CSPG4: variants seen among roughly 807,000 people sequenced by gnomAD.
CSPG4 encodes the protein chondroitin sulfate proteoglycan 4 (melanoma-associated).
CSPG4 carries 74 observed loss-of-function variants against 139.3 expected under a neutral mutation model. The observed-to-expected ratio is 0.53, with a 90% CI of 0.44 to 0.64. The LOEUF is 0.64. Among genes scored for constraint, CSPG4 ranks in the 30% least tolerant of loss-of-function variants. The pLI is 0.00. For missense variants in CSPG4, 2,565 were observed against 3,148.3 expected (o/e 0.81, Z 4.43); for synonymous variants, 1,234 against 1,394.2 (o/e 0.89, Z 2.56).
In CSPG4 at chr15:75,690,057, C is replaced by T. The variant is rs1375861277; in HGVS notation, c.1008G>A (p.Gln336=). ...CTGGTGTCAGGCCCAGGCGGTGTTC[C>T]TGGAGGTGACGAGAGGCCTCTGCAT... ...GLDAEASRHL[Q]EHRLGLTPEA... The change falls in exon 3 of 10, where the codon CAG becomes CAA. Residue 336 remains glutamine, a synonymous_variant. Coordinates refer to ENST00000308508, the MANE Select transcript of CSPG4 (RefSeq NM_001897.5). The T allele has an allele frequency of 6.2e-7, 1 of 1,611,754 alleles. No individual in the cohort carries two copies. The highest frequency in any genetic ancestry group is 8.5e-7 in the Non-Finnish European group (1 of 1,179,502).
intron 1 of CSPG4, among the ~76,000 whole-genome samples, chr15:75,697,574 C>T (rs1399180768): frequency 3.9e-5 from 6 of 152,232 alleles, no homozygotes; most frequent in African/African-American, 1.4e-4. Flanking sequence ...CACTCTCTGG[C>T]AATGGATCCC....
At chr15:75,679,172 C>A in intron 8 of CSPG4, 1 of 185,700 alleles carries the variant, frequency 5.4e-6, no homozygotes, top group Non-Finnish European at 1.1e-5. Flanking sequence ...GCTACCTCTG[C>A]CGATATCTAA....
rs943232062 is a variant in CSPG4 at position 75,698,280 on chromosome 15, A to G, written c.89-5047T>C. ...GTATTCTGGGAGGGCCAAGGCCGGG[A>G]TGAAGGGCTCTCTGTCTCCCCTCAT... On this transcript the variant is annotated intron_variant, in intron 1 of 9. Coordinates refer to ENST00000308508, the MANE Select transcript of CSPG4 (RefSeq NM_001897.5). This position sits in a 1 kb window ranked among gnomAD's most constrained non-coding sequence, Gnocchi z 4.3. Among the ~76,000 whole-genome samples the G allele has an allele frequency of 4.1e-5, 6 of 146,402 alleles. No homozygotes were observed. The highest frequency in any genetic ancestry group is 7.5e-5 in the Non-Finnish European group (5 of 66,484).
In CSPG4 at chr15:75,682,432, G is replaced by T. The variant is rs144753189; in HGVS notation, c.4811C>A (p.Thr1604Asn). The T allele has an allele frequency of 2.5e-6, 4 of 1,588,468 alleles. No homozygotes were observed. Among genetic ancestry groups the T allele is most frequent in the Non-Finnish European group, 3.4e-6 (4 of 1,174,314 alleles). ...PGSVQPLSSQ[T>N]LRASSSAGTD... is the part of the protein sequence containing the mutation. ...GCCTGCGCTGGAGCTGGCCCTGAGG[G>T]TCTGACTGCTGAGTGGCTGGACGGA... The change falls in exon 8 of 10, where the codon ACC (threonine) becomes AAC (asparagine). Residue 1604 changes from threonine to asparagine, a missense_variant. Thr to Asn is a moderately conservative substitution (Grantham distance 65, BLOSUM62 0). Coordinates refer to ENST00000308508, the MANE Select transcript of CSPG4 (RefSeq NM_001897.5).
rs1284445051 is a variant in CSPG4 at position 75,698,904 on chromosome 15, G to A, written c.89-5671C>T. Among the ~76,000 whole-genome samples the A allele has an allele frequency of 6.6e-6, 1 of 152,164 alleles. No homozygotes were observed. Among genetic ancestry groups the A allele is most frequent in the African/African-American group, 2.4e-5 (1 of 41,452 alleles). ...TAAGGGGAGCGACCTGCCCAGTGAT[G>A]ACACTGGGGTCACCAGGGCCCAGGC... On this transcript the variant is annotated intron_variant, in intron 1 of 9. Coordinates refer to ENST00000308508, the MANE Select transcript of CSPG4 (RefSeq NM_001897.5). This position sits in a 1 kb window ranked among gnomAD's most constrained non-coding sequence, Gnocchi z 4.3.
intron 3 of CSPG4, among the ~76,000 whole-genome samples, chr15:75,686,804 C>T (rs1259627856): frequency 6.6e-6 from 1 of 152,180 alleles, no homozygotes; most frequent in Non-Finnish European, 1.5e-5. Context: ...CCCGTGGTTG[C>T]TCTGTGGGGT....
Position 75,675,432 on chromosome 15 carries a change from T to C in CSPG4, c.*118A>G. On this transcript the variant is annotated 3_prime_UTR_variant, in exon 10 of 10. Transcript: ENST00000308508. ...CTCCCAGGACCCTCCACCCCTGGTG[T>C]CTCCAGGTCTCTCTTGCTCTGGGGA... 8.8e-7 allele frequency: 1 copy of C among 1,137,630 alleles called. No individual in the cohort carries two copies. The highest frequency in any genetic ancestry group is 1.1e-6 in the Non-Finnish European group (1 of 869,608). The allele number at this position is 1,137,630 out of a possible 1,614,324, so 70.5% of individuals were successfully genotyped here. A position where few individuals can be genotyped will look rare whatever the true frequency, so the allele number is the denominator to read the frequency against.
chr15:75,687,018 G>T lies in CSPG4; in HGVS notation c.3789+258C>A, dbSNP rs1286674064. Among the ~76,000 whole-genome samples the T allele has an allele frequency of 6.6e-6, 1 of 151,860 alleles. No individual in the cohort carries two copies. The highest frequency in any genetic ancestry group is 1.5e-5 in the Non-Finnish European group (1 of 67,906). ...AGGGCTGGGTGGGGTCCAGGAATCT[G>T]CATGCTCAGCCATGTCATACACATG... On this transcript the variant is annotated intron_variant, in intron 3 of 9. Transcript: ENST00000308508. This position sits in a 1 kb window ranked among gnomAD's most constrained non-coding sequence, Gnocchi z 5.4.
In CSPG4 at chr15:75,685,892, A is replaced by AT. The variant is rs1894051499; in HGVS notation, c.3790-192dup. 7.9e-5 allele frequency among the ~76,000 whole-genome samples: 12 copies of AT among 152,150 alleles called. No homozygotes were observed. In the South Asian group the frequency reaches 2.1e-3, roughly 26 times the overall value. ...AGCAGCCAGACATGCAGCTGGTCAC[A>AT]TTTTTTGTTTTTTGAGACAGGGTCT... is the stretch of plus-strand genomic sequence containing the variant. On this transcript the variant is annotated intron_variant, in intron 3 of 9. Transcript: ENST00000308508.
Position 75,690,211 on chromosome 15 carries a change from T to C in CSPG4, c.854A>G (p.His285Arg), listed in dbSNP as rs1375737191. 1 of 1,613,340 alleles carries C rather than the reference T, an allele frequency of 6.2e-7. No homozygotes were observed. The highest frequency in any genetic ancestry group is 1.1e-5 in the South Asian group (1 of 91,078). ...AGCATTGATGTGGACACTGACCTCA[T>C]GGGGCTGCCCATCGGCCACAGGCAC... is the stretch of plus-strand genomic sequence containing the variant. ...NSVPVADGQP[H>R]EVSVHINAHR... Residue 285 changes from histidine to arginine, a missense_variant, in exon 3 of 10, where the codon CAT becomes CGT. By Grantham distance (29) the His-to-Arg change is conservative. Transcript: ENST00000308508.
rs368898594 is a variant in CSPG4, at chr15:75,704,537, G to T, written c.88+8131C>A. Among the ~76,000 whole-genome samples, 8 of 152,264 alleles carry T rather than the reference G, an allele frequency of 5.3e-5. No individual in the cohort carries two copies. In the South Asian group the frequency reaches 1.4e-3, roughly 28 times the overall value. ...TTAAAACATGTGGGTGGGGGGCCTG[G>T]CCGGGCCCTGTCCAGGGGTCTGTGG... On this transcript the variant is annotated intron_variant, in intron 1 of 9. Transcript: ENST00000308508.
chr15:75,698,417 T>A lies in CSPG4; in HGVS notation c.89-5184A>T, dbSNP rs1026280074. Among the ~76,000 whole-genome samples the A allele has an allele frequency of 6.6e-6, 1 of 151,940 alleles. No individual in the cohort carries two copies. Among genetic ancestry groups the A allele is most frequent in the African/African-American group, 2.4e-5 (1 of 41,330 alleles). ...TGCTTCCCCAGCAGCGGACCCTCCC[T>A]GAGGTCACCTGGCCCTCTAGACCTC... On this transcript the variant is annotated intron_variant, in intron 1 of 9. Transcript: ENST00000308508. This position sits in a 1 kb window ranked among gnomAD's most constrained non-coding sequence, Gnocchi z 4.3.
At position 75,689,553 on chromosome 15, in the gene CSPG4, G is replaced by A. The variant is rs373377521; in HGVS notation, c.1512C>T (p.Ala504=). The A allele has an allele frequency of 6.2e-7, 1 of 1,612,740 alleles. No individual in the cohort carries two copies. Among genetic ancestry groups the A allele is most frequent in the Non-Finnish European group, 8.5e-7 (1 of 1,179,816 alleles). Residue 504 remains alanine, a synonymous_variant, in exon 3 of 10, where the codon GCC becomes GCT. Transcript: ENST00000308508. Reference sequence around the variant, plus strand: ...CCTCAGAGCCATCGTGGATGAAGCGGGCCTTGCGGTTCACCACGTCCAGGA... The same window carrying A: ...CCTCAGAGCCATCGTGGATGAAGCGAGCCTTGCGGTTCACCACGTCCAGGA... ...FTLLDVVNRK[A]RFIHDGSEDT...
rs550251692 is a variant in CSPG4, at chr15:75,688,680, C to T, written c.2385G>A (p.Gln795=). ...WMLRLEPLHT[Q]NTQQETLTTA... ...TGGTGAGGGTCTCCTGCTGGGTGTT[C>T]TGAGTGTGCAGTGGCTCCAGCCGCA... is the stretch of plus-strand genomic sequence containing the variant. The change falls in exon 3 of 10, where the codon CAG becomes CAA. Residue 795 remains glutamine, a synonymous_variant. Transcript: ENST00000308508. 2.1e-5 allele frequency: 34 copies of T among 1,611,846 alleles called. No individual in the cohort carries two copies. The South Asian group carries it at 3.5e-4, about 17-fold the overall frequency.
chr15:75,685,437 C>T lies in CSPG4; in HGVS notation c.4054G>A (p.Glu1352Lys). ...AGTGGGATGGCAGCGGGCAGCACCT[C>T]CAGCTCCACAAGGACGCCCTCGAGG... ...APLEGVLVELEVLPAAIPLEA... is the reference protein window; with the variant it reads ...APLEGVLVELKVLPAAIPLEA... The change falls in exon 4 of 10, where the codon GAG (glutamate) becomes AAG (lysine). Residue 1352 changes from glutamate to lysine, a missense_variant. By Grantham distance (56) the Glu-to-Lys change is moderately conservative (BLOSUM62 1). Coordinates refer to ENST00000308508, the MANE Select transcript of CSPG4 (RefSeq NM_001897.5). 6.2e-7 allele frequency: 1 copy of T among 1,612,418 alleles called. No homozygotes were observed. Among genetic ancestry groups the T allele is most frequent in the Non-Finnish European group, 8.5e-7 (1 of 1,179,954 alleles).
At chr15:75,711,679 G>T (rs1339444555) in intron 1 of CSPG4, among the ~76,000 whole-genome samples, 8 of 152,346 alleles carry the variant, frequency 5.3e-5, no homozygotes, top group Non-Finnish European at 8.8e-5. Flanking sequence ...TGTGAAGGAG[G>T]CTCAGGCCCT....
chr15:75,683,421 A>G (rs902932107), intron 5 of CSPG4, among the ~76,000 whole-genome samples: 2 of 152,198 alleles, frequency 1.3e-5, no homozygotes, highest in Non-Finnish European at 1.5e-5. Flanking sequence ...CTGGTGGGAC[A>G]GGGGTCTCCT....
Position 75,676,986 on chromosome 15 carries a change from G to C in CSPG4, c.5533C>G (p.Arg1845Gly). ...PQASVPLRLT[R>G]GSRAPISRAQ... is the part of the protein sequence containing the mutation. The stretch of plus-strand genomic sequence containing the variant: ...CGGGAGATGGGGGCACGAGAGCCTC[G>C]GGTGAGCCGGAGTGGGACAGAGGCC... The change falls in exon 10 of 10, where the codon CGA becomes GGA. Residue 1845 changes from arginine (R) to glycine (G), a missense_variant. This residue lies in a region of CSPG4 where 2,316 missense variants were observed against 2,818.2 expected (regional missense o/e 0.82). Coordinates refer to ENST00000308508, the MANE Select transcript of CSPG4 (RefSeq NM_001897.5). 6.8e-7 allele frequency: 1 copy of C among 1,475,332 alleles called. No individual in the cohort carries two copies. The highest frequency in any genetic ancestry group is 1.4e-5 in the South Asian group (1 of 72,658). 91.4% of individuals were successfully genotyped at this position (1,475,332 alleles called of 1,614,324 possible).
chr15:75,677,420 A>C (rs1440593972), intron 9 of CSPG4, 36 bp from the exon 10 acceptor site: 1 of 1,405,322 alleles, frequency 7.1e-7, no homozygotes, highest in Non-Finnish European at 9.3e-7. Context: ...GGTCCAGCCC[A>C]CTGAGGGGAG....
Sources: allele counts gnomAD v4.1 joint callset (sites outside exome capture counted in the v4.1 genomes callset), GRCh38; gene constraint gnomAD v4.1.1; regional missense constraint gnomAD v4.1.1; non-coding constraint Gnocchi (gnomAD v3.1); transcripts MANE v1.5; gene names NCBI Gene and HGNC (gene_info 2026-07-23, HGNC 2026-07-21).